The following IPO7 variants were observed in gnomAD, a reference collection of about 807,000 sequenced individuals.
The protein encoded by IPO7 is importin 7.
A neutral mutation model predicts 136.4 loss-of-function variants in IPO7; 13 were observed. That is an observed-to-expected ratio of 0.10 (90% CI 0.06 to 0.15). The LOEUF is 0.15. IPO7 is among the 10% of genes least tolerant of loss of function. The pLI is 1.00. For missense variants in IPO7, 857 were observed against 1,240.6 expected (o/e 0.69, Z 4.65); for synonymous variants, 403 against 404.4 (o/e 1.00, Z 0.04).
chr11:9,397,239 A>C (rs1590427765), intron 1 of IPO7, among the ~76,000 whole-genome samples: 1 of 148,208 alleles, frequency 6.7e-6, no homozygotes, highest in Non-Finnish European at 1.5e-5. Context: ...TCCAGCTATT[A>C]TAATTTTTAG....
Position 9,445,756 on chromosome 11 carries a change from G to A in IPO7, c.*562G>A, listed in dbSNP as rs748219204. Reference sequence around the variant, plus strand: ...CTATGTAGATTATTGGACATTTATTGTAGCACTACATAACTGATTATAAAA... The same window carrying A: ...CTATGTAGATTATTGGACATTTATTATAGCACTACATAACTGATTATAAAA... On this transcript the variant is annotated 3_prime_UTR_variant, in exon 25 of 25. Transcript: ENST00000379719. 3 of 151,736 alleles carry A rather than the reference G, an allele frequency of 2.0e-5. No homozygotes were observed. The highest frequency in any genetic ancestry group is 4.4e-5 in the Non-Finnish European group (3 of 68,068). The allele number at this position is 151,736 out of a possible 1,614,324, so 9.4% of individuals were successfully genotyped here.
chr11:9,440,133 T>G (rs1264525095), intron 22 of IPO7, among the ~76,000 whole-genome samples: 1 of 152,226 alleles, frequency 6.6e-6, no homozygotes, highest in Admixed American at 6.5e-5. Context: ...TTTTTGTCTT[T>G]TATCATTTAC....
intron 14 of IPO7, among the ~76,000 whole-genome samples, chr11:9,429,433 C>T (rs535097739): frequency 3.3e-5 from 5 of 151,790 alleles, no homozygotes; most frequent in Non-Finnish European, 7.4e-5. Flanking sequence ...TAGAGCCCGA[C>T]GGTTCGAGGC....
chr11:9,420,757 A>G, intron 8 of IPO7, 59 bp downstream of exon 8: 1 of 1,145,058 alleles, frequency 8.7e-7, no homozygotes, highest in Admixed American at 1.8e-5. Flanking sequence ...TAATTTATAT[A>G]TTGCTTATTC....
chr11:9,416,416 G>A (rs930805358), intron 5 of IPO7, among the ~76,000 whole-genome samples: 1 of 152,102 alleles, frequency 6.6e-6, no homozygotes, highest in Non-Finnish European at 1.5e-5. Flanking sequence ...CATAACTTTT[G>A]GATTAAATAA....
At chr11:9,412,003 G>A (rs2133739641) in intron 4 of IPO7, among the ~76,000 whole-genome samples, 1 of 152,310 alleles carries the variant, frequency 6.6e-6, no homozygotes, top group East Asian at 1.9e-4. Flanking sequence ...AGTGTTTAAA[G>A]GGAATTTTGT....
At chr11:9,404,654 C>T (rs892583581) in intron 2 of IPO7, among the ~76,000 whole-genome samples, 2 of 150,232 alleles carry the variant, frequency 1.3e-5, no homozygotes, top group South Asian at 4.2e-4. Context: ...CAAGCTCCGC[C>T]TCCCGTGTTC....
chr11:9,411,922 T>G (rs551635546), intron 4 of IPO7, among the ~76,000 whole-genome samples: 1 of 152,300 alleles, frequency 6.6e-6, no homozygotes, highest in East Asian at 1.9e-4. Flanking sequence ...AACAAGTATT[T>G]AAACTCTCTT....
intron 1 of IPO7, among the ~76,000 whole-genome samples, chr11:9,388,895 C>G (rs1001977368): frequency 6.6e-6 from 1 of 152,110 alleles, no homozygotes; most frequent in African/African-American, 2.4e-5. Context: ...CTTCTCCCCA[C>G]TATAATTTTA....
chr11:9,414,117 TTTG>T, intron 4 of IPO7, 135 bp from the exon 5 acceptor site: 1 of 589,474 alleles, frequency 1.7e-6, no homozygotes, highest in East Asian at 3.1e-5. Context: ...TTTTTATGGT[TTTG>T]TTCTAGATAT....
intron 18 of IPO7, among the ~76,000 whole-genome samples, chr11:9,434,110 A>G (rs1261160306): frequency 2.6e-5 from 4 of 151,734 alleles, no homozygotes; most frequent in African/African-American, 7.3e-5. Flanking sequence ...TTTAGTAGAG[A>G]CAGAGTTTCT....
At chr11:9,424,310 C>CT (rs757650002) in intron 10 of IPO7, among the ~76,000 whole-genome samples, 7 of 152,158 alleles carry the variant, frequency 4.6e-5, no homozygotes, top group Non-Finnish European at 1.0e-4. Flanking sequence ...GTCATTTGTG[C>CT]TTTTTGCAGC....
At chr11:9,400,832 A>T (rs1854783705) in intron 1 of IPO7, among the ~76,000 whole-genome samples, 1 of 152,182 alleles carries the variant, frequency 6.6e-6, no homozygotes, top group Admixed American at 6.5e-5. Context: ...TTCTGCACCC[A>T]GCTGGAAAAT....
At chr11:9,424,649 A>G (rs900646518) in intron 10 of IPO7, among the ~76,000 whole-genome samples, 1 of 152,230 alleles carries the variant, frequency 6.6e-6, no homozygotes, top group Non-Finnish European at 1.5e-5. Flanking sequence ...AGGCTGAGGC[A>G]GGAGAATTGC....
At chr11:9,429,541 C>T (rs1339731020) in intron 14 of IPO7, 133 bp from the exon 15 acceptor site, 1 of 559,932 alleles carries the variant, frequency 1.8e-6, no homozygotes, top group Non-Finnish European at 3.0e-6. Context: ...TGTAAAAAGC[C>T]ATAATCCTAG....
chr11:9,404,717 C>T (rs1590432131), intron 2 of IPO7, among the ~76,000 whole-genome samples: 3 of 151,820 alleles, frequency 2.0e-5, no homozygotes, highest in East Asian at 2.0e-4. Flanking sequence ...AGGCGCCCGC[C>T]ACCACACCCG....
chr11:9,417,020 G>A (rs778588564), intron 5 of IPO7, 39 bp from the exon 6 acceptor site: 3 of 939,976 alleles, frequency 3.2e-6, no homozygotes, highest in Non-Finnish European at 5.1e-6. Flanking sequence ...ATTTTCTTTA[G>A]CAAGGATTTC....
intron 3 of IPO7, among the ~76,000 whole-genome samples, chr11:9,408,991 C>T (rs1190630900): frequency 4.0e-5 from 6 of 151,808 alleles, no homozygotes; most frequent in African/African-American, 1.5e-4. Context: ...GGATTACAGG[C>T]GTGAACCACT....
chr11:9,440,772 C>G (rs1855451001), intron 23 of IPO7, 111 bp downstream of exon 23: 1 of 849,522 alleles, frequency 1.2e-6, no homozygotes, highest in African/African-American at 1.7e-5. Flanking sequence ...CTAGAAAAGG[C>G]TGGTTAGGCA....
Sources: gnomAD v4.1 joint callset for allele counts (sites outside exome capture counted in the v4.1 genomes callset) on GRCh38, gnomAD v4.1.1 for gene constraint, MANE v1.5 for transcripts, NCBI Gene and HGNC (gene_info 2026-07-23, HGNC 2026-07-21) for gene names.